Variants in LHFPL3 observed in about 807,000 individuals in gnomAD.
The protein encoded by LHFPL3 is LHFPL tetraspan subfamily member 3 protein.
In LHFPL3, 5 loss-of-function variants were observed where a neutral mutation model predicts 19.3. That is an observed-to-expected ratio of 0.26 (90% CI 0.14 to 0.54). The LOEUF (loss-of-function observed/expected upper bound fraction) is 0.54, where lower values mean the gene tolerates loss of function less well. Among genes scored for constraint, LHFPL3 ranks in the 20% least tolerant of loss-of-function variants. LHFPL3 has a pLI of 0.94. For synonymous variants in LHFPL3, 133 were observed against 126.2 expected, an observed-to-expected ratio of 1.05 and a Z score of -0.36; for missense variants, 249 against 307.4, an observed-to-expected ratio of 0.81 and a Z score of 1.42.
chr7:104,521,794 C>T (rs536619259), intron 1 of LHFPL3, among the ~76,000 whole-genome samples: 214 of 152,252 alleles, frequency 1.4e-3, no homozygotes, highest in African/African-American at 5.0e-3. Context: ...AAATGCTCAC[C>T]ATCACTGGCC....
intron 1 of LHFPL3, among the ~76,000 whole-genome samples, chr7:104,389,946 C>T (rs1158894713): frequency 1.3e-5 from 2 of 152,028 alleles, no homozygotes; most frequent in African/African-American, 2.4e-5. Context: ...TCTTCCTGAT[C>T]TTGGGTAATG....
At chr7:104,894,043 G>A (rs1792306045) in intron 2 of LHFPL3, among the ~76,000 whole-genome samples, 1 of 151,976 alleles carries the variant, frequency 6.6e-6, no homozygotes, top group Admixed American at 6.6e-5. Context: ...AGCAGAGAAA[G>A]AAGTAGAGTA....
chr7:104,665,487 C>T (rs191224593), intron 1 of LHFPL3, among the ~76,000 whole-genome samples: 3 of 152,294 alleles, frequency 2.0e-5, no homozygotes, highest in African/African-American at 7.2e-5. Context: ...CCAGATATGT[C>T]TAAGCTGTAG....
chr7:104,351,499 A>G (rs917576551), intron 1 of LHFPL3, among the ~76,000 whole-genome samples: 2 of 152,222 alleles, frequency 1.3e-5, no homozygotes, highest in Non-Finnish European at 2.9e-5. Context: ...TTCCTCCAAT[A>G]AACAGAAACT....
intron 1 of LHFPL3, among the ~76,000 whole-genome samples, chr7:104,341,332 A>G (rs1348489640): frequency 6.6e-6 from 1 of 152,230 alleles, no homozygotes; most frequent in Non-Finnish European, 1.5e-5. Flanking sequence ...AAGCAGCAAC[A>G]ACATTGCTTC....
intron 1 of LHFPL3, among the ~76,000 whole-genome samples, chr7:104,362,491 TA>T (rs1276703036): frequency 6.6e-6 from 1 of 152,248 alleles, no homozygotes; most frequent in African/African-American, 2.4e-5. Context: ...CTGAGGATTT[TA>T]TTATAAATGT....
At chr7:104,878,455 C>T (rs1055251985) in intron 2 of LHFPL3, among the ~76,000 whole-genome samples, 3 of 152,028 alleles carry the variant, frequency 2.0e-5, no homozygotes, top group African/African-American at 7.2e-5. Flanking sequence ...TTTGATGTTA[C>T]TATTGTAATT....
At chr7:104,551,183 G>A (rs774658048) in intron 1 of LHFPL3, among the ~76,000 whole-genome samples, 8 of 152,076 alleles carry the variant, frequency 5.3e-5, no homozygotes, top group Non-Finnish European at 1.2e-4. Context: ...CTATTAAGTT[G>A]ATTCAGGGGA....
At chr7:104,448,372 A>G (rs1180563195) in intron 1 of LHFPL3, among the ~76,000 whole-genome samples, 1 of 152,204 alleles carries the variant, frequency 6.6e-6, no homozygotes, top group African/African-American at 2.4e-5. Flanking sequence ...CTTGGCAGGC[A>G]CAGACAGTAC....
intron 2 of LHFPL3, among the ~76,000 whole-genome samples, chr7:104,742,022 T>C (rs1793945617): frequency 6.6e-6 from 1 of 152,192 alleles, no homozygotes. Flanking sequence ...CAGTAGGCAT[T>C]TAACCTTGAT....
chr7:104,417,346 T>G (rs1004999179), intron 1 of LHFPL3, among the ~76,000 whole-genome samples: 1 of 152,228 alleles, frequency 6.6e-6, no homozygotes, highest in African/African-American at 2.4e-5. Context: ...ATAGATAGTA[T>G]GCCAGTGTCC....
chr7:104,492,215 A>G (rs1392762712), intron 1 of LHFPL3, among the ~76,000 whole-genome samples: 1 of 152,242 alleles, frequency 6.6e-6, no homozygotes, highest in Non-Finnish European at 1.5e-5. Context: ...AATACTTGTT[A>G]TGCATGTGAT....
At chr7:104,329,317 C>T in intron 1 of LHFPL3, 93 bp downstream of exon 1, 1 of 1,450,644 alleles carries the variant, frequency 6.9e-7, no homozygotes. Flanking sequence ...CTGTGCGCGC[C>T]GCTGCGAGCC....
At chr7:104,490,968 C>T (rs573864156) in intron 1 of LHFPL3, among the ~76,000 whole-genome samples, 14 of 152,194 alleles carry the variant, frequency 9.2e-5, no homozygotes, top group Admixed American at 2.6e-4. Flanking sequence ...TGTGGGTGAG[C>T]CCTCCAGGAC....
At chr7:104,903,385 T>A in intron 2 of LHFPL3, among the ~76,000 whole-genome samples, 1 of 151,558 alleles carries the variant, frequency 6.6e-6, no homozygotes. Context: ...AGGACTACCC[T>A]CCTGACCCCG....
Position 104,493,094 on chromosome 7 carries a change from A to G in LHFPL3, c.445+163870A>G, listed in dbSNP as rs141504237. On this transcript the variant is annotated intron_variant, in intron 1 of 2. Coordinates refer to ENST00000424859, the MANE Select transcript of LHFPL3 (RefSeq NM_199000.3). ...TATTTTCCACATACTCTTTAACCCTATGTCATTTCACTACTGTTCCTGCAA... is the reference window on the plus strand; with the variant it reads ...TATTTTCCACATACTCTTTAACCCTGTGTCATTTCACTACTGTTCCTGCAA... Among the ~76,000 whole-genome samples the G allele has an allele frequency of 3.3e-3, 506 of 152,228 alleles. 3 individuals carry two copies. The highest frequency in any genetic ancestry group is 0.011 in the African/African-American group (458 of 41,532).
At chr7:104,727,503 A>G (rs1258457209) in intron 1 of LHFPL3, among the ~76,000 whole-genome samples, 1 of 152,188 alleles carries the variant, frequency 6.6e-6, no homozygotes, top group African/African-American at 2.4e-5. Flanking sequence ...CAGAAAGCGT[A>G]TAATCTCTTA....
At chr7:104,352,430 C>T (rs1254257495) in intron 1 of LHFPL3, among the ~76,000 whole-genome samples, 1 of 152,126 alleles carries the variant, frequency 6.6e-6, no homozygotes, top group East Asian at 1.9e-4. Context: ...TCTCAGCACT[C>T]TAACCACTTT....
chr7:104,835,042 T>C (rs9885984), intron 2 of LHFPL3, among the ~76,000 whole-genome samples: 103,228 of 151,694 alleles, frequency 0.68, 36,379 homozygotes, highest in Non-Finnish European at 0.78. Context: ...GAATTTTCCA[T>C]AGCAGTTTAA....
Sources: gnomAD v4.1 joint callset for allele counts (sites outside exome capture counted in the v4.1 genomes callset) on GRCh38, gnomAD v4.1.1 for gene constraint, MANE v1.5 for transcripts, NCBI Gene and HGNC (gene_info 2026-07-23, HGNC 2026-07-21) for gene names.